GABBR2: variants seen among roughly 807,000 people sequenced by gnomAD.
GABBR2 encodes the protein G-protein coupled receptor 51.
A neutral mutation model predicts 105.6 loss-of-function variants in GABBR2; 23 were observed. The ratio of observed to expected loss-of-function variants is 0.22; its 90% CI spans 0.16 to 0.31. The LOEUF (loss-of-function observed/expected upper bound fraction) is 0.31, where lower values mean the gene tolerates loss of function less well. Ranked by LOEUF, GABBR2 falls within the 10% of genes least tolerant of loss-of-function variation. The probability of loss-of-function intolerance (pLI) is 1.00; values close to 1 mark genes in which losing one functional copy is unlikely to be tolerated. For synonymous variants in GABBR2, 478 were observed against 499.7 expected (o/e 0.96, Z 0.58); for missense variants, 734 against 1,245.5 (o/e 0.59, Z 6.18).
chr9:98,428,525 G>A (rs1825739442), intron 7 of GABBR2, among the ~76,000 whole-genome samples: 1 of 152,176 alleles, frequency 6.6e-6, no homozygotes, highest in South Asian at 2.1e-4. Context: ...ATGCGTGTAA[G>A]GAAGAAGAAA....
intron 7 of GABBR2, among the ~76,000 whole-genome samples, chr9:98,446,400 G>T (rs371630246): frequency 6.6e-6 from 1 of 152,210 alleles, no homozygotes; most frequent in African/African-American, 2.4e-5. Context: ...AGAGATGTAA[G>T]TAACTTCTCC....
chr9:98,311,289 T>A, intron 13 of GABBR2, 84 bp from the exon 14 acceptor site: 1 of 795,454 alleles, frequency 1.3e-6, no homozygotes. Context: ...CCCTTTTCCC[T>A]CCTGTGAGCC....
intron 1 of GABBR2, chr9:98,608,009 A>C: frequency 7.8e-7 from 1 of 1,286,822 alleles, no homozygotes; most frequent in Non-Finnish European, 1.1e-6. Flanking sequence ...AGCATAAACA[A>C]TTAGAGGAAA....
In GABBR2 at chr9:98,663,184, G is replaced by A. The variant is rs371115089; in HGVS notation, c.321+45233C>T. On this transcript the variant is annotated intron_variant, in intron 1 of 18. Transcript: ENST00000259455. ...AGACAGTGGAGGGAGAAATCACAAA[G>A]CTCATGGAAGTAAGCTCACTAGAGA... Among the ~76,000 whole-genome samples, 40 of 145,976 alleles carry A rather than the reference G, an allele frequency of 2.7e-4. 2 individuals are homozygous for A. The South Asian group carries it at 8.8e-3, about 32-fold the overall frequency.
At chr9:98,552,840 C>T (rs1828514747) in intron 2 of GABBR2, among the ~76,000 whole-genome samples, 1 of 152,032 alleles carries the variant, frequency 6.6e-6, no homozygotes, top group Admixed American at 6.6e-5. Context: ...CACAGCAGTT[C>T]AGCTTTTACC....
intron 2 of GABBR2, among the ~76,000 whole-genome samples, chr9:98,571,768 T>A (rs1017536262): frequency 6.6e-6 from 1 of 152,160 alleles, no homozygotes; most frequent in African/African-American, 2.4e-5. Flanking sequence ...AGGGAACTCA[T>A]GACTTCACAG....
chr9:98,429,121 G>GGTGT (rs56248488), intron 7 of GABBR2, among the ~76,000 whole-genome samples: 7,009 of 145,542 alleles, frequency 0.048, 177 homozygotes, highest in East Asian at 0.069. Context: ...CCAGGTTTTT[G>GGTGT]GTGTGTGTGT....
chr9:98,669,995 A>G (rs1830387555), intron 1 of GABBR2, among the ~76,000 whole-genome samples: 1 of 152,140 alleles, frequency 6.6e-6, no homozygotes, highest in Non-Finnish European at 1.5e-5. Context: ...GGATGCAGCC[A>G]GGCAAAGGGC....
At chr9:98,692,565 G>T (rs1398947088) in intron 1 of GABBR2, among the ~76,000 whole-genome samples, 1 of 152,168 alleles carries the variant, frequency 6.6e-6, no homozygotes, top group Non-Finnish European at 1.5e-5. Context: ...AGTCTGGCTG[G>T]ATCCTGGGAC....
chr9:98,674,500 G>A (rs1830449913), intron 1 of GABBR2, among the ~76,000 whole-genome samples: 1 of 151,940 alleles, frequency 6.6e-6, no homozygotes, highest in Non-Finnish European at 1.5e-5. Context: ...GGCAGAAATA[G>A]GTAAGAAAAA....
chr9:98,414,540 G>A (rs1832651819), intron 7 of GABBR2, among the ~76,000 whole-genome samples: 1 of 152,214 alleles, frequency 6.6e-6, no homozygotes, highest in Non-Finnish European at 1.5e-5. Context: ...GGGTTTTAAT[G>A]AGGGGGTGAC....
intron 1 of GABBR2, among the ~76,000 whole-genome samples, chr9:98,675,402 TAG>T (rs1830462547): frequency 6.6e-6 from 1 of 152,004 alleles, no homozygotes; most frequent in Non-Finnish European, 1.5e-5. Flanking sequence ...GAAGAAAGGC[TAG>T]GAGTGAACAC....
intron 8 of GABBR2, among the ~76,000 whole-genome samples, chr9:98,404,951 A>T (rs1017157186): frequency 3.3e-5 from 5 of 152,190 alleles, no homozygotes; most frequent in African/African-American, 1.2e-4. Flanking sequence ...TGATCAGGGG[A>T]TCCACACAGA....
intron 11 of GABBR2, among the ~76,000 whole-genome samples, chr9:98,381,709 T>C (rs114466231): frequency 0.014 from 2,201 of 152,228 alleles, 55 homozygotes; most frequent in African/African-American, 0.05. Flanking sequence ...GCAAATAAAT[T>C]AATTCTCAGG....
intron 5 of GABBR2, among the ~76,000 whole-genome samples, chr9:98,479,009 T>C (rs557630400): frequency 3.3e-5 from 5 of 152,294 alleles, no homozygotes; most frequent in Admixed American, 3.3e-4. Context: ...ATTTTCCTTT[T>C]TAAAGTGGGT....
At chr9:98,526,335 T>G (rs1039811152) in intron 3 of GABBR2, among the ~76,000 whole-genome samples, 3 of 152,166 alleles carry the variant, frequency 2.0e-5, no homozygotes, top group Non-Finnish European at 4.4e-5. Flanking sequence ...ATAGCCTTCC[T>G]GACATTGCTC....
chr9:98,706,563 A>G (rs1451334683), intron 1 of GABBR2, among the ~76,000 whole-genome samples: 4 of 152,222 alleles, frequency 2.6e-5, no homozygotes, highest in African/African-American at 9.6e-5. Context: ...ACACACTCGA[A>G]AAATAAAATG....
intron 9 of GABBR2, among the ~76,000 whole-genome samples, chr9:98,392,085 G>A (rs916327824): frequency 1.3e-5 from 2 of 152,044 alleles, no homozygotes; most frequent in Non-Finnish European, 2.9e-5. Context: ...TAGTGGGGAA[G>A]GTCTGAGAAG....
At chr9:98,303,504 C>CTGGG in intron 15 of GABBR2, 81 bp from the exon 16 acceptor site, 1 of 1,268,698 alleles carries the variant, frequency 7.9e-7, no homozygotes, top group Non-Finnish European at 1.1e-6. Context: ...ACTCTCCCAG[C>CTGGG]AGATCCTGCT....
Sources: gnomAD v4.1 joint callset for allele counts (sites outside exome capture counted in the v4.1 genomes callset) on GRCh38, gnomAD v4.1.1 for gene constraint, MANE v1.5 for transcripts, NCBI Gene and HGNC (gene_info 2026-07-23, HGNC 2026-07-21) for gene names.